The following HDGFL2 variants were observed in gnomAD, a reference collection of about 807,000 sequenced individuals.
HDGFL2 encodes the protein hepatoma-derived growth factor-related protein 2.
Under a neutral mutation model 77.1 loss-of-function variants are expected in HDGFL2, and 36 were observed. That is an observed-to-expected ratio of 0.47 (90% CI 0.36 to 0.62). The LOEUF (loss-of-function observed/expected upper bound fraction) is 0.62. HDGFL2 is among the 20% of genes least tolerant of loss of function. The pLI is 0.00. For synonymous variants in HDGFL2, 463 were observed against 413.1 expected, an observed-to-expected ratio of 1.12 and a Z score of -1.46; for missense variants, 976 against 973.4, an observed-to-expected ratio of 1.00 and a Z score of -0.04.
At position 4,493,697 on chromosome 19, in the gene HDGFL2, C is replaced by A. The variant is rs1164946265; in HGVS notation, c.679-6C>A. ...GATGCTCACGCCTGTCCCTGCTTCTCCCCAGAAGGCGCCATCAGCCTCCGA... is the reference window on the plus strand; with the variant it reads ...GATGCTCACGCCTGTCCCTGCTTCTACCCAGAAGGCGCCATCAGCCTCCGA... On this transcript the variant is annotated splice_region_variant and splice_polypyrimidine_tract_variant and intron_variant, in intron 6 of 15. Transcript: ENST00000616600. The A allele has an allele frequency of 6.9e-7, 1 of 1,459,676 alleles. No homozygotes were observed. Among genetic ancestry groups the A allele is most frequent in the South Asian group, 1.4e-5 (1 of 70,536 alleles). 90.4% of individuals were successfully genotyped at this position (1,459,676 alleles called of 1,614,324 possible).
intron 3 of HDGFL2, among the ~76,000 whole-genome samples, chr19:4,484,607 C>T (rs1223623877): frequency 6.6e-6 from 1 of 151,624 alleles, no homozygotes; most frequent in Admixed American, 6.6e-5. Flanking sequence ...TCACACCATT[C>T]TCCTGCCTCA....
chr19:4,497,338 C>T (rs1975732143), intron 10 of HDGFL2: 28 of 349,260 alleles, frequency 8.0e-5, no homozygotes, highest in South Asian at 5.7e-4. Flanking sequence ...GCTGGGACTA[C>T]AGGTGTGTGC....
intron 3 of HDGFL2, among the ~76,000 whole-genome samples, chr19:4,484,814 G>A (rs551477248): frequency 1.5e-4 from 23 of 152,116 alleles, no homozygotes; most frequent in African/African-American, 5.5e-4. Context: ...TGGGACTACA[G>A]GCACCCGCCA....
Position 4,488,701 on chromosome 19 carries a change from C to A in HDGFL2, c.314C>A (p.Ala105Asp). The change falls in exon 4 of 16, where the codon GCC becomes GAC. Residue 105 changes from alanine to aspartate, a missense_variant. Around this residue, in one of 5 missense-constraint regions of HDGFL2, gnomAD observed 103 missense variants for 145.7 expected, o/e 0.71. Coordinates refer to ENST00000616600, the MANE Select transcript of HDGFL2 (RefSeq NM_001001520.3). ...PPPVSSSDSE[A>D]PEANPADGSD... ...CCAGTGAGCTCCTCCGACAGCGAGG[C>A]CCCCGAGGCCAACCCCGCCGACGGC... is the stretch of plus-strand genomic sequence containing the variant. 1.3e-6 allele frequency: 2 copies of A among 1,548,894 alleles called. No homozygotes were observed. The highest frequency in any genetic ancestry group is 1.7e-6 in the Non-Finnish European group (2 of 1,148,272).
intron 6 of HDGFL2, 123 bp from the exon 7 acceptor site, chr19:4,493,580 G>A: frequency 8.1e-7 from 1 of 1,231,512 alleles, no homozygotes. Flanking sequence ...TCGGAGCCGG[G>A]CCCTGAGCCG....
Position 4,493,798 on chromosome 19 carries a change from C to A in HDGFL2, c.774C>A (p.Ser258=). 1 of 1,542,292 alleles carries A rather than the reference C, an allele frequency of 6.5e-7. No homozygotes were observed. The part of the protein sequence containing the change: ...VAMARSASSS[S]SSSSSSDSDV... ...TGGCGCGGTCGGCGTCCTCCTCCTC[C>A]TCTTCCTCCTCCTCCTCCGACTCCG... The change falls in exon 7 of 16, where the codon TCC becomes TCA. Residue 258 remains serine, a synonymous_variant. Transcript: ENST00000616600.
In HDGFL2 at chr19:4,483,724, C is replaced by T. The variant is rs568720363; in HGVS notation, c.289-4952C>T. Among the ~76,000 whole-genome samples the T allele has an allele frequency of 3.3e-5, 5 of 152,094 alleles. 1 individual carries two copies. Among genetic ancestry groups the T allele is most frequent in the African/African-American group, 1.2e-4 (5 of 41,484 alleles). On this transcript the variant is annotated intron_variant, in intron 3 of 15. Coordinates refer to ENST00000616600, the MANE Select transcript of HDGFL2 (RefSeq NM_001001520.3). ...TCTCCTGGACACCATGCGTGCCCCA[C>T]TCCAGCCTGTCACACGCCATTTTGG... is the stretch of plus-strand genomic sequence containing the variant.
At chr19:4,500,369 C>T (rs889050980) in intron 14 of HDGFL2, among the ~76,000 whole-genome samples, 12 of 152,100 alleles carry the variant, frequency 7.9e-5, no homozygotes, top group African/African-American at 2.9e-4. Flanking sequence ...TCACTGCAAC[C>T]TTGACTTCCT....
intron 3 of HDGFL2, among the ~76,000 whole-genome samples, chr19:4,486,030 G>C (rs1200449419): frequency 6.9e-6 from 1 of 144,970 alleles, no homozygotes; most frequent in Non-Finnish European, 1.5e-5. Context: ...TCCAGCCTGG[G>C]TGACAGAGTA....
chr19:4,493,619 G>C, intron 6 of HDGFL2, 84 bp from the exon 7 acceptor site: 2 of 1,320,708 alleles, frequency 1.5e-6, no homozygotes, highest in Non-Finnish European at 1.9e-6. Flanking sequence ...GGCTGCAGGG[G>C]TGCGGGAGCC....
At chr19:4,476,427 A>G (rs939402159) in intron 3 of HDGFL2, among the ~76,000 whole-genome samples, 1 of 146,658 alleles carries the variant, frequency 6.8e-6, no homozygotes, top group African/African-American at 2.5e-5. Context: ...TCCTGAACTC[A>G]GATGATCCAC....
rs376891678 is a variant in HDGFL2 at position 4,501,315 on chromosome 19, C to G, written c.1914C>G (p.His638Gln). Residue 638 changes from histidine to glutamine, a missense_variant and splice_region_variant, in exon 15 of 16, where the codon CAC becomes CAG. By Grantham distance (24) the His-to-Gln change is conservative. Around this residue, in one of 5 missense-constraint regions of HDGFL2, gnomAD observed 229 missense variants for 187.3 expected, o/e 1.22. Coordinates refer to ENST00000616600, the MANE Select transcript of HDGFL2 (RefSeq NM_001001520.3). ...GPRCGSSEDL[H>Q]DSVREGPDLD... Reference sequence around the variant, plus strand: ...GGTGTGGCTCCTCTGAAGACCTGCACGAGTGAGTGTCCCGGGCCGTGGGGT... The same window carrying G: ...GGTGTGGCTCCTCTGAAGACCTGCAGGAGTGAGTGTCCCGGGCCGTGGGGT... 3.8e-6 allele frequency: 6 copies of G among 1,595,948 alleles called. No homozygotes were observed. The highest frequency in any genetic ancestry group is 4.3e-6 in the Non-Finnish European group (5 of 1,169,422).
chr19:4,499,970 A>G (rs1424212621), intron 14 of HDGFL2, among the ~76,000 whole-genome samples: 1 of 152,180 alleles, frequency 6.6e-6, no homozygotes, highest in Non-Finnish European at 1.5e-5. Flanking sequence ...ACAGTGCATG[A>G]CAGCACACGC....
chr19:4,499,383 G>C, intron 13 of HDGFL2, 108 bp from the exon 14 acceptor site: 1 of 886,698 alleles, frequency 1.1e-6, no homozygotes, highest in Non-Finnish European at 1.7e-6. Flanking sequence ...ACAGAGCTGT[G>C]CTCCCGGGAG....
intron 14 of HDGFL2, among the ~76,000 whole-genome samples, chr19:4,500,579 G>T (rs559231423): frequency 8.2e-6 from 1 of 121,762 alleles, no homozygotes; most frequent in African/African-American, 2.6e-5. Flanking sequence ...TCCTGCCTCA[G>T]CCTCCCGAGG....
intron 3 of HDGFL2, among the ~76,000 whole-genome samples, chr19:4,478,471 G>C (rs1296989703): frequency 1.3e-5 from 2 of 152,016 alleles, no homozygotes; most frequent in African/African-American, 4.8e-5. Flanking sequence ...AAAGTGCTGG[G>C]ATTACAGGTG....
Position 4,496,314 on chromosome 19 carries a change from G to T in HDGFL2, c.1237G>T (p.Ala413Ser). 2.5e-6 allele frequency: 4 copies of T among 1,614,118 alleles called. No individual in the cohort carries two copies. Among genetic ancestry groups the T allele is most frequent in the Non-Finnish European group, 3.4e-6 (4 of 1,179,980 alleles). The change falls in exon 10 of 16, where the codon GCG becomes TCG. Residue 413 changes from alanine (A) to serine (S), a missense_variant. Physicochemically the swap from Ala to Ser is moderately conservative, Grantham distance 99. This residue lies in a region of HDGFL2 where 567 missense variants were observed against 534.7 expected (regional missense o/e 1.06). Transcript: ENST00000616600. ...CTGACTGCTATAGGCCAAGAAATCA[G>T]CGAAGAAGCCGCAGTCCTCAAGCAC... ...AELEREAKKS[A>S]KKPQSSSTEP... is the part of the protein sequence containing the mutation.
Position 4,494,448 on chromosome 19 carries a change from C to A in HDGFL2, c.1197C>A (p.Ser399=), listed in dbSNP as rs754091866. The A allele has an allele frequency of 1.4e-6, 2 of 1,397,946 alleles. No individual in the cohort carries two copies. Among genetic ancestry groups the A allele is most frequent in the Admixed American group, 3.5e-5 (1 of 28,682 alleles). The allele number at this position is 1,397,946 out of a possible 1,614,324, so 86.6% of individuals were successfully genotyped here. A position where few individuals can be genotyped will look rare whatever the true frequency, so the allele number is the denominator to read the frequency against. ...RGRGPPSSSD[S]EPEAELEREA... is the part of the protein sequence containing the mutation. ...GGGGTCCCCCGTCCTCCTCTGACTC[C>A]GAGCCCGAGGCCGAGCTGGAGAGAG... The change falls in exon 9 of 16, where the codon TCC becomes TCA. Residue 399 remains serine, a synonymous_variant. Transcript: ENST00000616600.
intron 3 of HDGFL2, among the ~76,000 whole-genome samples, chr19:4,481,892 A>G (rs1302993704): frequency 6.6e-6 from 1 of 152,056 alleles, no homozygotes; most frequent in African/African-American, 2.4e-5. Context: ...TTGGGAACAG[A>G]GAGGCAAAGC....
Sources: allele counts gnomAD v4.1 joint callset (sites outside exome capture counted in the v4.1 genomes callset), GRCh38; gene constraint gnomAD v4.1.1; regional missense constraint gnomAD v4.1.1; transcripts MANE v1.5; gene names NCBI Gene and HGNC (gene_info 2026-07-23, HGNC 2026-07-21).